LGR5: variants seen among roughly 807,000 people sequenced by gnomAD.
LGR5 encodes leucine rich repeat containing G protein-coupled receptor 5.
In LGR5, 54 loss-of-function variants were observed where a neutral mutation model predicts 76.7. The observed-to-expected ratio is 0.70, with a 90% confidence interval of 0.57 to 0.88. The LOEUF is 0.88. LGR5 is among the 40% of genes least tolerant of loss of function. The pLI, the probability that LGR5 is intolerant of heterozygous loss-of-function variation, is 0.00. For missense variants in LGR5, 1,078 were observed against 1,073.3 expected (o/e 1.00, Z -0.06); for synonymous variants, 406 against 421.9 (o/e 0.96, Z 0.46).
intron 2 of LGR5, 119 bp downstream of exon 2, chr12:71,504,804 A>AGGAACATGAGG: frequency 1.2e-6 from 1 of 829,398 alleles, no homozygotes. Context: ...AGCACCAACA[A>AGGAACATGAGG]TTTCAGAACA....
At chr12:71,522,033 A>G (rs1031693362) in intron 2 of LGR5, among the ~76,000 whole-genome samples, 6 of 152,186 alleles carry the variant, frequency 3.9e-5, no homozygotes, top group African/African-American at 1.4e-4. Context: ...GCTTTGAAAA[A>G]CAGGGAGTGA....
At chr12:71,578,720 C>A in intron 14 of LGR5, 84 bp from the exon 15 acceptor site, 1 of 1,353,658 alleles carries the variant, frequency 7.4e-7, no homozygotes, top group Non-Finnish European at 9.9e-7. Context: ...AGTAGTTTAA[C>A]GATCTTTAGG....
At chr12:71,505,190 G>A (rs986790231) in intron 2 of LGR5, among the ~76,000 whole-genome samples, 2 of 152,184 alleles carry the variant, frequency 1.3e-5, no homozygotes, top group African/African-American at 2.4e-5. Context: ...TTCCCTCAAG[G>A]CTTCAGTAGA....
At chr12:71,491,986 T>C (rs1439648697) in intron 1 of LGR5, among the ~76,000 whole-genome samples, 1 of 151,998 alleles carries the variant, frequency 6.6e-6, no homozygotes, top group African/African-American at 2.4e-5. Flanking sequence ...ATATTTGTTT[T>C]ATTAACTCCT....
At chr12:71,559,539 A>G in intron 6 of LGR5, 47 bp from the exon 7 acceptor site, 3 of 1,022,160 alleles carry the variant, frequency 2.9e-6, no homozygotes, top group Non-Finnish European at 4.6e-6. Flanking sequence ...TAGAGTATAT[A>G]TGAAGTTTTA....
At chr12:71,526,933 C>G (rs899185045) in intron 3 of LGR5, among the ~76,000 whole-genome samples, 2 of 152,120 alleles carry the variant, frequency 1.3e-5, no homozygotes, top group Non-Finnish European at 2.9e-5. Context: ...ACAGGTAGCT[C>G]CAAGCAGGTT....
chr12:71,500,178 C>T (rs575519003), intron 1 of LGR5, among the ~76,000 whole-genome samples: 235 of 152,094 alleles, frequency 1.5e-3, no homozygotes, highest in African/African-American at 4.8e-3. Context: ...AATAGAGCTT[C>T]AAGTAACAAA....
In LGR5 at chr12:71,439,999, G is replaced by T; in HGVS notation, c.-82G>T. 1 of 1,379,938 alleles carries T rather than the reference G, an allele frequency of 7.2e-7. No individual in the cohort carries two copies. Among genetic ancestry groups the T allele is most frequent in the Non-Finnish European group, 1.0e-6 (1 of 998,062 alleles). 85.5% of individuals were successfully genotyped at this position (1,379,938 alleles called of 1,614,324 possible). ...GCTGAGTTGCAGAAGCCCACGGAGC[G>T]GCGCCCGGCGCGCCACGGCCCGTAG... is the stretch of plus-strand genomic sequence containing the variant. On this transcript the variant is annotated 5_prime_UTR_variant, in exon 1 of 18. Transcript: ENST00000266674.
chr12:71,516,121 G>A (rs1388638212), intron 2 of LGR5, among the ~76,000 whole-genome samples: 1 of 152,016 alleles, frequency 6.6e-6, no homozygotes, highest in South Asian at 2.1e-4. Flanking sequence ...AGGAAAAGGA[G>A]AATGAGGGAG....
At chr12:71,524,778 G>A (rs1875904671) in intron 3 of LGR5, among the ~76,000 whole-genome samples, 1 of 152,060 alleles carries the variant, frequency 6.6e-6, no homozygotes. Flanking sequence ...TATGAAATTG[G>A]GGTGCGTGTC....
intron 7 of LGR5, among the ~76,000 whole-genome samples, chr12:71,560,207 T>A (rs1031029659): frequency 6.6e-6 from 1 of 152,210 alleles, no homozygotes; most frequent in Admixed American, 6.5e-5. Context: ...ACTAATAGTC[T>A]AATGTTGGCC....
At position 71,580,375 on chromosome 12, in the gene LGR5, A is replaced by G. The variant is rs368519361; in HGVS notation, c.1504A>G (p.Ser502Gly). The change falls in exon 16 of 18, where the codon AGT (serine) becomes GGT (glycine). Residue 502 changes from serine to glycine, a missense_variant. Transcript: ENST00000266674. ...TCAATGGAATAAAGGTGACAACAGC[A>G]GTATGGACGACCTTCATAAGAAAGA... Reference protein sequence around the residue: ...SNQWNKGDNSSMDDLHKKDAG... With the variant: ...SNQWNKGDNSGMDDLHKKDAG... 2.9e-5 allele frequency: 47 copies of G among 1,614,020 alleles called. No homozygotes were observed. The highest frequency in any genetic ancestry group is 4.0e-5 in the Non-Finnish European group (47 of 1,179,968).
chr12:71,476,268 G>A (rs1873331706), intron 1 of LGR5, among the ~76,000 whole-genome samples: 2 of 152,128 alleles, frequency 1.3e-5, no homozygotes, highest in African/African-American at 4.8e-5. Flanking sequence ...CCTAACTAAT[G>A]GAAAATGTAT....
At chr12:71,468,781 T>C (rs1008382564) in intron 1 of LGR5, among the ~76,000 whole-genome samples, 1 of 147,634 alleles carries the variant, frequency 6.8e-6, no homozygotes, top group African/African-American at 2.5e-5. Context: ...TTTTCCCACA[T>C]CTTTGCTAAA....
intron 1 of LGR5, among the ~76,000 whole-genome samples, chr12:71,457,483 G>T (rs114808033): frequency 0.01 from 1,542 of 152,262 alleles, 28 homozygotes; most frequent in African/African-American, 0.035. Flanking sequence ...AAATTGTAAT[G>T]CTGGGAGCTA....
At chr12:71,500,882 G>A (rs1021569256) in intron 1 of LGR5, among the ~76,000 whole-genome samples, 1 of 152,284 alleles carries the variant, frequency 6.6e-6, no homozygotes, top group East Asian at 1.9e-4. Flanking sequence ...TAGATAAGAG[G>A]TGGATCAGAG....
At chr12:71,478,348 CA>C (rs1254141859) in intron 1 of LGR5, among the ~76,000 whole-genome samples, 2 of 152,106 alleles carry the variant, frequency 1.3e-5, no homozygotes, top group African/African-American at 4.8e-5. Context: ...TTTTGGAAGG[CA>C]AATAAATAAG....
chr12:71,454,874 C>T (rs916664150), intron 1 of LGR5, among the ~76,000 whole-genome samples: 2 of 151,522 alleles, frequency 1.3e-5, no homozygotes, highest in African/African-American at 4.9e-5. Flanking sequence ...GAAATACCCT[C>T]AAAATCTCAA....
In LGR5 at chr12:71,553,268, C is replaced by A. The variant is rs1877586993; in HGVS notation, c.624C>A (p.Asn208Lys). ...ACATACCAGACTATGCCTTTGGAAACCTCTCCAGCTTGGTAGTTCTGTAAG... is the reference window on the plus strand; with the variant it reads ...ACATACCAGACTATGCCTTTGGAAAACTCTCCAGCTTGGTAGTTCTGTAAG... ...IHHIPDYAFG[N>K]LSSLVVLHLH... The change falls in exon 5 of 18, where the codon AAC (asparagine) becomes AAA (lysine). Residue 208 changes from asparagine (N) to lysine (K), a missense_variant. Coordinates refer to ENST00000266674, the MANE Select transcript of LGR5 (RefSeq NM_003667.4). The A allele has an allele frequency of 1.9e-6, 3 of 1,613,620 alleles. No individual in the cohort carries two copies. The highest frequency in any genetic ancestry group is 1.7e-5 in the Admixed American group (1 of 59,976).
Sources: allele counts gnomAD v4.1 joint callset (sites outside exome capture counted in the v4.1 genomes callset), GRCh38; gene constraint gnomAD v4.1.1; transcripts MANE v1.5; gene names NCBI Gene and HGNC (gene_info 2026-07-23, HGNC 2026-07-21).